Variants in DMXL2 observed in about 807,000 individuals in gnomAD.
DMXL2 encodes dmX-like protein 2.
A neutral mutation model predicts 331.1 loss-of-function variants in DMXL2; 103 were observed. That is an observed-to-expected ratio of 0.31 (90% CI 0.27 to 0.37). DMXL2 has a LOEUF of 0.37. Ranked by LOEUF, DMXL2 falls within the 10% of genes least tolerant of loss-of-function variation. The pLI is 1.00. For synonymous variants in DMXL2, 1,281 were observed against 1,252.1 expected (o/e 1.02, Z -0.49); for missense variants, 3,171 against 3,642.9 (o/e 0.87, Z 3.33).
chr15:51,513,218 A>T (rs187789179), intron 15 of DMXL2, among the ~76,000 whole-genome samples: 73 of 152,346 alleles, frequency 4.8e-4, no homozygotes, highest in African/African-American at 1.7e-3. Context: ...AATATTATAA[A>T]GAAAAGTACC....
chr15:51,521,592 G>A (rs2047385690), intron 13 of DMXL2, among the ~76,000 whole-genome samples: 1 of 152,020 alleles, frequency 6.6e-6, no homozygotes, highest in Non-Finnish European at 1.5e-5. Context: ...TTCCCTATGA[G>A]CATCCATCCT....
chr15:51,454,839 A>AAGAT (rs1566973440), intron 40 of DMXL2, among the ~76,000 whole-genome samples: 1 of 152,192 alleles, frequency 6.6e-6, no homozygotes, highest in African/African-American at 2.4e-5. Flanking sequence ...GTATATTAAG[A>AAGAT]AGATAGAGTT....
intron 1 of DMXL2, among the ~76,000 whole-genome samples, chr15:51,605,424 C>G (rs1352227039): frequency 6.6e-6 from 1 of 151,278 alleles, no homozygotes; most frequent in Non-Finnish European, 1.5e-5. Context: ...TGGTCTCGAA[C>G]TCCTGACTTC....
At chr15:51,514,337 A>C in intron 15 of DMXL2, 105 bp downstream of exon 15, 1 of 678,250 alleles carries the variant, frequency 1.5e-6, no homozygotes, top group South Asian at 2.2e-5. Flanking sequence ...TGAATCTGTC[A>C]AAAATTATGA....
intron 2 of DMXL2, among the ~76,000 whole-genome samples, chr15:51,571,907 G>A (rs528265849): frequency 1.3e-5 from 2 of 152,112 alleles, no homozygotes; most frequent in East Asian, 1.9e-4. Context: ...ATATTCAAAA[G>A]CTAGCAGAAG....
intron 1 of DMXL2, among the ~76,000 whole-genome samples, chr15:51,595,291 A>G (rs1470737489): frequency 3.9e-5 from 6 of 152,376 alleles, no homozygotes; most frequent in Non-Finnish European, 8.8e-5. Context: ...ACAAACAGAG[A>G]GCCAAATCAT....
At chr15:51,591,999 A>C (rs1224325633) in intron 1 of DMXL2, among the ~76,000 whole-genome samples, 1 of 152,186 alleles carries the variant, frequency 6.6e-6, no homozygotes, top group Non-Finnish European at 1.5e-5. Context: ...AACTCTAAAA[A>C]TCAGAGCGCC....
chr15:51,509,961 G>A (rs1051811485), intron 15 of DMXL2, among the ~76,000 whole-genome samples: 4 of 152,082 alleles, frequency 2.6e-5, no homozygotes, highest in Non-Finnish European at 5.9e-5. Context: ...AAAACCACAT[G>A]ATTATCTCAA....
Position 51,500,090 on chromosome 15 carries a change from A to C in DMXL2, c.3134T>G (p.Ile1045Ser). The C allele has an allele frequency of 6.2e-7, 1 of 1,614,158 alleles. No homozygotes were observed. The highest frequency in any genetic ancestry group is 8.5e-7 in the Non-Finnish European group (1 of 1,180,016). ...CAAAGGCCATCTCTTCCAATGATAA[A>C]TTTCTTTCTCATCACTTTTATTACA... ...PECNKSDEKE[I>S]YHWKRWPLMN... Residue 1045 changes from isoleucine to serine, a missense_variant, in exon 18 of 44, where the codon ATT becomes AGT. Around this residue, in one of 7 missense-constraint regions of DMXL2, gnomAD observed 1,674 missense variants for 1,780.2 expected, o/e 0.94. Coordinates refer to ENST00000560891, the MANE Select transcript of DMXL2 (RefSeq NM_001378457.1).
intron 42 of DMXL2, 89 bp downstream of exon 42, chr15:51,451,552 CACTG>C: frequency 1.0e-6 from 1 of 968,436 alleles, no homozygotes; most frequent in Non-Finnish European, 1.6e-6. Flanking sequence ...AATAAACACT[CACTG>C]GATTCACTAA....
At position 51,480,864 on chromosome 15, in the gene DMXL2, A is replaced by C; in HGVS notation, c.6242T>G (p.Ile2081Ser). ...ATTACATATCTCATGCAAGGCAGCA[A>C]TTTCCTTTTCAAGCCAGTTATAGAG... Reference protein sequence around the residue: ...FQLYNWLEKEIAALHEICNHE... With the variant: ...FQLYNWLEKESAALHEICNHE... Residue 2081 changes from isoleucine to serine, a missense_variant, in exon 24 of 44, where the codon ATT becomes AGT. Around this residue, in one of 7 missense-constraint regions of DMXL2, gnomAD observed 197 missense variants for 196.2 expected, o/e 1.00. Transcript: ENST00000560891. The C allele has an allele frequency of 6.2e-7, 1 of 1,613,062 alleles. No homozygotes were observed. Among genetic ancestry groups the C allele is most frequent in the Non-Finnish European group, 8.5e-7 (1 of 1,179,598 alleles).
At chr15:51,575,234 A>G (rs2050942969) in intron 2 of DMXL2, among the ~76,000 whole-genome samples, 1 of 152,204 alleles carries the variant, frequency 6.6e-6, no homozygotes, top group African/African-American at 2.4e-5. Flanking sequence ...ATCATTCAGT[A>G]TAAATTTGTA....
chr15:51,589,107 C>A (rs1055606613), intron 1 of DMXL2, among the ~76,000 whole-genome samples: 16 of 152,124 alleles, frequency 1.1e-4, no homozygotes, highest in Admixed American at 2.6e-4. Flanking sequence ...TGGCTAATAA[C>A]CAGCTGGAAA....
chr15:51,488,929 G>T (rs1445869779), intron 20 of DMXL2, among the ~76,000 whole-genome samples: 3 of 152,052 alleles, frequency 2.0e-5, no homozygotes, highest in Admixed American at 2.0e-4. Flanking sequence ...TTATCTTATT[G>T]CATCACTACA....
At position 51,464,833 on chromosome 15, in the gene DMXL2, G is replaced by A; in HGVS notation, c.7650C>T (p.Asn2550=). The change falls in exon 32 of 44, where the codon AAC becomes AAT. Residue 2550 remains asparagine, a synonymous_variant. Transcript: ENST00000560891. ...GCAAGATCTGTTCCCAGTTCTCCAA[G>A]TTTTTAATCACAGCAATACCTAATG... ...TSPLGIAVIK[N]LENWEQILQE... is the part of the protein sequence containing the mutation. 6.2e-7 allele frequency: 1 copy of A among 1,614,086 alleles called. No homozygotes were observed. The highest frequency in any genetic ancestry group is 8.5e-7 in the Non-Finnish European group (1 of 1,179,982).
intron 4 of DMXL2, 115 bp downstream of exon 4, chr15:51,564,973 A>G: frequency 1.6e-6 from 1 of 637,918 alleles, no homozygotes; most frequent in Middle Eastern, 4.9e-4. Flanking sequence ...TCATCAACAA[A>G]AAGAAAATAT....
At chr15:51,619,220 A>C (rs1254150891) in intron 1 of DMXL2, among the ~76,000 whole-genome samples, 1 of 152,222 alleles carries the variant, frequency 6.6e-6, no homozygotes, top group Admixed American at 6.5e-5. Flanking sequence ...AAGTATAATA[A>C]AGCTCATACA....
rs1326434580 is a variant in DMXL2 at position 51,500,241 on chromosome 15, G to A, written c.2993-10C>T. On this transcript the variant is annotated splice_polypyrimidine_tract_variant and intron_variant, in intron 17 of 43. Transcript: ENST00000560891. ...GAAGAACTCAGATGGCCTTAAAAAAGAAAAAGCAAATAGTTAGTTGTAATA... is the reference window on the plus strand; with the variant it reads ...GAAGAACTCAGATGGCCTTAAAAAAAAAAAAGCAAATAGTTAGTTGTAATA... 1.3e-6 allele frequency: 2 copies of A among 1,571,076 alleles called. No homozygotes were observed. Among genetic ancestry groups the A allele is most frequent in the East Asian group, 2.2e-5 (1 of 44,502 alleles).
Position 51,536,370 on chromosome 15 carries a change from T to C in DMXL2, c.2110A>G (p.Lys704Glu), listed in dbSNP as rs756985414. 1 of 1,613,696 alleles carries C rather than the reference T, an allele frequency of 6.2e-7. No individual in the cohort carries two copies. The highest frequency in any genetic ancestry group is 1.1e-5 in the South Asian group (1 of 91,000). Residue 704 changes from lysine (K) to glutamate (E), a missense_variant, in exon 12 of 44, where the codon AAA becomes GAA. Physicochemically the swap from Lys to Glu is moderately conservative, Grantham distance 56. Around this residue, in one of 7 missense-constraint regions of DMXL2, gnomAD observed 1,674 missense variants for 1,780.2 expected, o/e 0.94. Transcript: ENST00000560891. Reference sequence around the variant, plus strand: ...GTTGCTGCATTTCTAAGAGGTTGTTTCGAGGAACCTTTTATATGTTTTACA... The same window carrying C: ...GTTGCTGCATTTCTAAGAGGTTGTTCCGAGGAACCTTTTATATGTTTTACA... ...DPVKHIKGSS[K>E]QPLRNAATRT...
Sources: gnomAD v4.1 joint callset for allele counts (sites outside exome capture counted in the v4.1 genomes callset) on GRCh38, gnomAD v4.1.1 for gene constraint, gnomAD v4.1.1 regional missense constraint, MANE v1.5 for transcripts, NCBI Gene and HGNC (gene_info 2026-07-23, HGNC 2026-07-21) for gene names.